SZT2: variants seen among roughly 807,000 people sequenced by gnomAD.
SZT2 encodes the protein KICSTOR complex protein SZT2.
Under a neutral mutation model 404.2 loss-of-function variants are expected in SZT2, and 216 were observed. That is an observed-to-expected ratio of 0.53 (90% CI 0.48 to 0.60). The LOEUF is 0.60. SZT2 is among the 20% of genes least tolerant of loss of function. SZT2 has a pLI of 0.00. For synonymous variants in SZT2, 1,693 were observed against 1,749.9 expected (o/e 0.97, Z 0.81); for missense variants, 3,857 against 4,459.2 (o/e 0.86, Z 3.85).
intron 4 of SZT2, among the ~76,000 whole-genome samples, chr1:43,413,381 CAAACAAA>C (rs930520073): frequency 2.0e-5 from 3 of 152,062 alleles, no homozygotes; most frequent in Non-Finnish European, 4.4e-5. Context: ...GACTCCATCT[CAAACAAA>C]AAACAAAACA....
At position 43,424,593 on chromosome 1, in the gene SZT2, C is replaced by T. The variant is rs1652917477; in HGVS notation, c.2471+161C>T. On this transcript the variant is annotated intron_variant, in intron 16 of 71. Coordinates refer to ENST00000634258, the MANE Select transcript of SZT2 (RefSeq NM_001365999.1). This position sits in a 1 kb window ranked among gnomAD's most constrained non-coding sequence, Gnocchi z 4.1. ...GCCCTCCCTGTCTCCTCCCATCACC[C>T]GATTTGTTTTGTCCTCTCTCATCCT... Among the ~76,000 whole-genome samples the T allele has an allele frequency of 6.6e-6, 1 of 152,152 alleles. No homozygotes were observed. The highest frequency in any genetic ancestry group is 6.5e-5 in the Admixed American group (1 of 15,278).
chr1:43,450,054 T>C lies in SZT2; in HGVS notation c.10087-49T>C, dbSNP rs755933106. 4 of 1,610,356 alleles carry C rather than the reference T, an allele frequency of 2.5e-6. No homozygotes were observed. The highest frequency in any genetic ancestry group is 2.5e-6 in the Non-Finnish European group (3 of 1,176,706). ...ATCCTCCCTTCACCTCAGGATGCCC[T>C]GTGGGAGGGTCTGTAGGGTCTGTGT... On this transcript the variant is annotated intron_variant, in intron 70 of 71. Transcript: ENST00000634258. This position sits in a 1 kb window ranked among gnomAD's most constrained non-coding sequence, Gnocchi z 4.3.
At position 43,420,051 on chromosome 1, in the gene SZT2, C is replaced by A; in HGVS notation, c.1091-102C>A. Reference sequence around the variant, plus strand: ...GTGTAACTGGGGCTGGCTCTGCTGGCACTGTTACCTCACAGTCATTTCAGC... The same window carrying A: ...GTGTAACTGGGGCTGGCTCTGCTGGAACTGTTACCTCACAGTCATTTCAGC... On this transcript the variant is annotated intron_variant, in intron 8 of 71. Coordinates refer to ENST00000634258, the MANE Select transcript of SZT2 (RefSeq NM_001365999.1). This position sits in a 1 kb window ranked among gnomAD's most constrained non-coding sequence, Gnocchi z 5.1. 6.4e-7 allele frequency: 1 copy of A among 1,560,752 alleles called. No individual in the cohort carries two copies. Among genetic ancestry groups the A allele is most frequent in the Admixed American group, 1.7e-5 (1 of 58,770 alleles).
Position 43,441,087 on chromosome 1 carries a change from C to A in SZT2, c.7345-127C>A. ...ACCTGCCCAAGGCTCCTTAGCCAGC[C>A]CCTGGGGAAGCCAGGGTCTGAACCC... On this transcript the variant is annotated intron_variant, in intron 52 of 71. Coordinates refer to ENST00000634258, the MANE Select transcript of SZT2 (RefSeq NM_001365999.1). This position sits in a 1 kb window ranked among gnomAD's most constrained non-coding sequence, Gnocchi z 4.8. 4.9e-6 allele frequency: 6 copies of A among 1,226,172 alleles called. No individual in the cohort carries two copies. Among genetic ancestry groups the A allele is most frequent in the Non-Finnish European group, 4.6e-6 (4 of 877,082 alleles). The allele number at this position is 1,226,172 out of a possible 1,614,324, so 76.0% of individuals were successfully genotyped here. A position where few individuals can be genotyped will look rare whatever the true frequency, so the allele number is the denominator to read the frequency against.
intron 7 of SZT2, among the ~76,000 whole-genome samples, chr1:43,418,278 A>G (rs1009373860): frequency 2.0e-5 from 3 of 152,230 alleles, no homozygotes; most frequent in Admixed American, 2.0e-4. Flanking sequence ...AGACTTAAGC[A>G]TGTTTCTAAG....
Position 43,420,081 on chromosome 1 carries a change from C to T in SZT2, c.1091-72C>T. ...TTACCTCACAGTCATTTCAGCATAG[C>T]CCCTTCCCCCTACAGATCTGTCAGT... On this transcript the variant is annotated intron_variant, in intron 8 of 71. Coordinates refer to ENST00000634258, the MANE Select transcript of SZT2 (RefSeq NM_001365999.1). This position sits in a 1 kb window ranked among gnomAD's most constrained non-coding sequence, Gnocchi z 5.1. 2.5e-6 allele frequency: 4 copies of T among 1,576,476 alleles called. No individual in the cohort carries two copies. The African/African-American group carries it at 4.0e-5, about 16-fold the overall frequency.
rs1557590205 is a variant in SZT2 at position 43,441,201 on chromosome 1, G to A, written c.7345-13G>A. 3.7e-6 allele frequency: 6 copies of A among 1,612,456 alleles called. No individual in the cohort carries two copies. Among genetic ancestry groups the A allele is most frequent in the Non-Finnish European group, 5.1e-6 (6 of 1,178,912 alleles). Reference sequence around the variant, plus strand: ...TCCCAGTAGCCCTTCCTCATTCACTGCATTGCCCCCAGAGTAAAACAGAAT... The same window carrying A: ...TCCCAGTAGCCCTTCCTCATTCACTACATTGCCCCCAGAGTAAAACAGAAT... On this transcript the variant is annotated splice_polypyrimidine_tract_variant and intron_variant, in intron 52 of 71. Transcript: ENST00000634258. This position sits in a 1 kb window ranked among gnomAD's most constrained non-coding sequence, Gnocchi z 4.8.
intron 41 of SZT2, among the ~76,000 whole-genome samples, chr1:43,434,737 T>TAATG (rs1380745263): frequency 6.6e-6 from 1 of 152,158 alleles, no homozygotes; most frequent in Non-Finnish European, 1.5e-5. Context: ...TCCCTCTCAT[T>TAATG]GCACTGTGCT....
In SZT2 at chr1:43,454,108, G is replaced by A; in HGVS notation, c.*3628G>A. 1 of 1,020,572 alleles carries A rather than the reference G, an allele frequency of 9.8e-7. No individual in the cohort carries two copies. Among genetic ancestry groups the A allele is most frequent in the African/African-American group, 1.7e-5 (1 of 58,842 alleles). The allele number at this position is 1,020,572 out of a possible 1,614,324, so 63.2% of individuals were successfully genotyped here. A position where few individuals can be genotyped will look rare whatever the true frequency, so the allele number is the denominator to read the frequency against. On this transcript the variant is annotated 3_prime_UTR_variant, in exon 72 of 72. Coordinates refer to ENST00000634258, the MANE Select transcript of SZT2 (RefSeq NM_001365999.1). ...GCCGGACGCGAAGCAAGAGAGAGCT[G>A]GCTGCCCGAGGGCCCGGTTGCAATG...
At chr1:43,394,879 CAAAAAAAAA>C (rs565825081) in intron 1 of SZT2, among the ~76,000 whole-genome samples, 1 of 78,372 alleles carries the variant, frequency 1.3e-5, no homozygotes, top group African/African-American at 4.8e-5. Flanking sequence ...AACTCCATCT[CAAAAAAAAA>C]AAAAAGAAAA....
chr1:43,434,090 AAAG>A, intron 40 of SZT2, among the ~76,000 whole-genome samples: 1 of 152,308 alleles, frequency 6.6e-6, no homozygotes, highest in Admixed American at 6.5e-5. Flanking sequence ...ACTTGAGAAG[AAAG>A]AAGAGGTGCA....
intron 1 of SZT2, among the ~76,000 whole-genome samples, chr1:43,392,414 C>CTTTTTT (rs1287158167): frequency 7.5e-6 from 1 of 133,254 alleles, no homozygotes; most frequent in African/African-American, 2.8e-5. Context: ...AAAAGTTAAG[C>CTTTTTT]TTTTTTTTTT....
In SZT2 at chr1:43,453,713, C is replaced by A. The variant is rs547472975; in HGVS notation, c.*3233C>A. ...CGACGGCCTCGAAGCCCGAGCTGCC[C>A]GCGGCCCGCACCCGCGCGGGGAGGC... On this transcript the variant is annotated 3_prime_UTR_variant, in exon 72 of 72. Transcript: ENST00000634258. 9.9e-6 allele frequency: 14 copies of A among 1,407,064 alleles called. No homozygotes were observed. The Admixed American group carries it at 3.1e-4, about 31-fold the overall frequency. The allele number at this position is 1,407,064 out of a possible 1,614,324, so 87.2% of individuals were successfully genotyped here. A position where few individuals can be genotyped will look rare whatever the true frequency, so the allele number is the denominator to read the frequency against.
At chr1:43,419,632 C>T in intron 7 of SZT2, 102 bp from the exon 8 acceptor site, 1 of 927,476 alleles carries the variant, frequency 1.1e-6, no homozygotes, top group Non-Finnish European at 1.6e-6. Context: ...CTCTGTGGTC[C>T]AGGGAATGGG....
chr1:43,391,909 GTCTC>G (rs1648398160), intron 1 of SZT2, among the ~76,000 whole-genome samples: 1 of 42,338 alleles, frequency 2.4e-5, no homozygotes, highest in African/African-American at 1.0e-4. Context: ...GTGAAACCCT[GTCTC>G]TACTAAAAAA....
At chr1:43,403,983 G>T in intron 3 of SZT2, 1 of 597,660 alleles carries the variant, frequency 1.7e-6, no homozygotes, top group South Asian at 2.3e-5. Context: ...GCCAAGGCGG[G>T]CTGATTACTC....
In SZT2 at chr1:43,416,094, T is replaced by C; in HGVS notation, c.765T>C (p.Ser255=). ...ILALQLLPSN[S]SAGIIVITDG... Reference sequence around the variant, plus strand: ...CACTGCAGTTACTACCCTCGAACTCTAGTGCAGGTCAGTAGAAGGAATATT... The same window carrying C: ...CACTGCAGTTACTACCCTCGAACTCCAGTGCAGGTCAGTAGAAGGAATATT... Residue 255 remains serine (S), a synonymous_variant, in exon 6 of 72, where the codon TCT becomes TCC. Coordinates refer to ENST00000634258, the MANE Select transcript of SZT2 (RefSeq NM_001365999.1). 6.3e-7 allele frequency: 1 copy of C among 1,598,066 alleles called. No homozygotes were observed. The highest frequency in any genetic ancestry group is 1.1e-5 in the South Asian group (1 of 91,056).
In SZT2 at chr1:43,416,116, T is replaced by C. The variant is rs768447160; in HGVS notation, c.772+15T>C. The C allele has an allele frequency of 1.2e-5, 19 of 1,597,110 alleles. No individual in the cohort carries two copies. The Admixed American group carries it at 2.7e-4, about 22-fold the overall frequency. On this transcript the variant is annotated intron_variant, in intron 6 of 71. Coordinates refer to ENST00000634258, the MANE Select transcript of SZT2 (RefSeq NM_001365999.1). ...CTCTAGTGCAGGTCAGTAGAAGGAATATTGGTGGGACTGGGGAAGCAGGGA... is the reference window on the plus strand; with the variant it reads ...CTCTAGTGCAGGTCAGTAGAAGGAACATTGGTGGGACTGGGGAAGCAGGGA...
intron 70 of SZT2, 118 bp from the exon 71 acceptor site, chr1:43,449,985 G>A: frequency 1.7e-6 from 2 of 1,210,966 alleles, no homozygotes; most frequent in East Asian, 2.4e-5. Flanking sequence ...TGACCTCAGG[G>A]TGCAGGCGGG....
Sources: gnomAD v4.1 joint callset for allele counts (sites outside exome capture counted in the v4.1 genomes callset) on GRCh38, gnomAD v4.1.1 for gene constraint, Gnocchi (gnomAD v3.1) non-coding constraint, MANE v1.5 for transcripts, NCBI Gene and HGNC (gene_info 2026-07-23, HGNC 2026-07-21) for gene names.